Variants in NENF observed in about 807,000 individuals in gnomAD.
NENF encodes the protein neudesin.
Under a neutral mutation model 14.8 loss-of-function variants are expected in NENF, and 6 were observed. That is an observed-to-expected ratio of 0.40 (90% CI 0.22 to 0.80). The LOEUF (loss-of-function observed/expected upper bound fraction) is 0.80, where lower values mean the gene tolerates loss of function less well. Ranked by LOEUF, NENF falls within the 30% of genes least tolerant of loss-of-function variation. The pLI is 0.34. For missense variants in NENF, 184 were observed against 212.7 expected, an observed-to-expected ratio of 0.87 and a Z score of 0.84; for synonymous variants, 76 against 95.1, an observed-to-expected ratio of 0.80 and a Z score of 1.17.
Position 212,445,949 on chromosome 1 carries a change from T to A in NENF, c.462T>A (p.Pro154=), listed in dbSNP as rs1457614627. The part of the protein sequence containing the change: ...ARRILNEDGS[P]NLDFKPEDQP... ...GAATTCTCAATGAGGATGGCAGCCC[T>A]AACCTGGACTTCAAGCCTGAAGACC... Residue 154 remains proline (P), a synonymous_variant, in exon 4 of 4, where the codon CCT becomes CCA. Transcript: ENST00000366988. The A allele has an allele frequency of 6.2e-7, 1 of 1,614,172 alleles. No homozygotes were observed. The highest frequency in any genetic ancestry group is 8.5e-7 in the Non-Finnish European group (1 of 1,180,022).
intron 1 of NENF, among the ~76,000 whole-genome samples, chr1:212,437,253 A>G (rs1006003756): frequency 2.2e-4 from 33 of 152,158 alleles, no homozygotes; most frequent in African/African-American, 7.0e-4. Flanking sequence ...TGGAGCTGCT[A>G]TGAGTCTACG....
chr1:212,441,544 G>A (rs1449336599), intron 1 of NENF, among the ~76,000 whole-genome samples: 2 of 151,990 alleles, frequency 1.3e-5, no homozygotes, highest in African/African-American at 4.8e-5. Context: ...CAGCACTTTG[G>A]GAGGCCTAGG....
chr1:212,439,496 C>G (rs1662665582), intron 1 of NENF, among the ~76,000 whole-genome samples: 2 of 149,412 alleles, frequency 1.3e-5, no homozygotes, highest in African/African-American at 4.9e-5. Context: ...GAGCCAAGAT[C>G]ATGACATTGC....
At chr1:212,444,264 C>A (rs959649010) in intron 2 of NENF, 75 bp from the exon 3 acceptor site, 3 of 917,158 alleles carry the variant, frequency 3.3e-6, no homozygotes, top group Non-Finnish European at 4.8e-6. Context: ...GCCTTGGGAG[C>A]GCCCCCACGT....
At chr1:212,436,623 G>C (rs148470526) in intron 1 of NENF, among the ~76,000 whole-genome samples, 129 of 152,156 alleles carry the variant, frequency 8.5e-4, no homozygotes, top group Non-Finnish European at 1.3e-3. Context: ...AAGGTCTTTC[G>C]ATTATGAGAT....
rs2102572758 is a variant in NENF at position 212,446,130 on chromosome 1, A to G, written c.*124A>G. 1.1e-6 allele frequency: 1 copy of G among 927,736 alleles called. No homozygotes were observed. Among genetic ancestry groups the G allele is most frequent in the African/African-American group, 1.7e-5 (1 of 59,964 alleles). 57.5% of individuals were successfully genotyped at this position (927,736 alleles called of 1,614,324 possible). ...CCAGATCTGAATAAAACAGATGCTT[A>G]CCCTGGAAGAGCAAATGCCTCCTGT... On this transcript the variant is annotated 3_prime_UTR_variant, in exon 4 of 4. Transcript: ENST00000366988.
rs1662551572 is a variant in NENF, at chr1:212,433,333, T to G, written c.177+213T>G. Among the ~76,000 whole-genome samples the G allele has an allele frequency of 6.6e-6, 1 of 151,966 alleles. No individual in the cohort carries two copies. ...GTCCTCAACAGTCGGAGCGCTCCGC[T>G]TTGCCCGCACACCCCACCCTGAACT... is the stretch of plus-strand genomic sequence containing the variant. On this transcript the variant is annotated intron_variant, in intron 1 of 3. Coordinates refer to ENST00000366988, the MANE Select transcript of NENF (RefSeq NM_013349.5). The surrounding 1 kb of genome is among the most constrained non-coding windows in gnomAD (Gnocchi z 5.5).
intron 3 of NENF, 77 bp downstream of exon 3, chr1:212,444,519 G>C (rs1439148178): frequency 1.4e-4 from 5 of 34,966 alleles, no homozygotes; most frequent in South Asian, 1.8e-3. Flanking sequence ...TTTTCTTTTC[G>C]TGTGTGTGTG....
rs1253611373 is a variant in NENF, at chr1:212,439,132, G to A, written c.178-3433G>A. 2.6e-5 allele frequency among the ~76,000 whole-genome samples: 4 copies of A among 152,114 alleles called. No individual in the cohort carries two copies. In the East Asian group the frequency reaches 7.7e-4, roughly 29 times the overall value. On this transcript the variant is annotated intron_variant, in intron 1 of 3. Transcript: ENST00000366988. ...TATGAGGTATCTATGTCACTCTGAG[G>A]CCTCAAAAATGCTAAACATTCTTTT...
In NENF at chr1:212,439,310, A is replaced by T. The variant is rs1662662028; in HGVS notation, c.178-3255A>T. 3.3e-5 allele frequency among the ~76,000 whole-genome samples: 5 copies of T among 151,910 alleles called. No individual in the cohort carries two copies. In the South Asian group the frequency reaches 1.0e-3, roughly 32 times the overall value. ...CACTTTGGGAGGCCGAGGCGGGTAG[A>T]TCACCTCACGTTGGGAGTTCAAGAC... is the stretch of plus-strand genomic sequence containing the variant. On this transcript the variant is annotated intron_variant, in intron 1 of 3. Transcript: ENST00000366988.
At chr1:212,443,234 T>C (rs191896913) in intron 2 of NENF, among the ~76,000 whole-genome samples, 13 of 152,276 alleles carry the variant, frequency 8.5e-5, no homozygotes, top group Non-Finnish European at 1.8e-4. Context: ...TAGTAAAGAG[T>C]TGGCATTATA....
At chr1:212,437,851 C>T (rs1470515229) in intron 1 of NENF, among the ~76,000 whole-genome samples, 1 of 152,138 alleles carries the variant, frequency 6.6e-6, no homozygotes, top group Non-Finnish European at 1.5e-5. Context: ...TAGTCCTCTT[C>T]GAATGCTTGC....
chr1:212,446,216 A>C lies in NENF; in HGVS notation c.*210A>C. On this transcript the variant is annotated 3_prime_UTR_variant, in exon 4 of 4. Transcript: ENST00000366988. ...CCTGTCTGCACACCAGGGATCAATAAGAGCCAAAGTGGGACACCTCCTAGA... is the reference window on the plus strand; with the variant it reads ...CCTGTCTGCACACCAGGGATCAATACGAGCCAAAGTGGGACACCTCCTAGA... 1 of 556,226 alleles carries C rather than the reference A, an allele frequency of 1.8e-6. No individual in the cohort carries two copies. The highest frequency in any genetic ancestry group is 3.2e-6 in the Non-Finnish European group (1 of 313,282). 34.5% of individuals were successfully genotyped at this position (556,226 alleles called of 1,614,324 possible).
chr1:212,445,465 T>A (rs1662763749), intron 3 of NENF, among the ~76,000 whole-genome samples: 1 of 149,676 alleles, frequency 6.7e-6, no homozygotes, highest in Non-Finnish European at 1.5e-5. Context: ...ATGGGAGGAG[T>A]GTAGAGAGAG....
chr1:212,441,374 T>C (rs1558193484), intron 1 of NENF, among the ~76,000 whole-genome samples: 1 of 152,186 alleles, frequency 6.6e-6, no homozygotes, highest in Non-Finnish European at 1.5e-5. Context: ...TAGAAAGTAA[T>C]TGATAGAAAC....
At chr1:212,439,006 GC>G (rs1662651986) in intron 1 of NENF, among the ~76,000 whole-genome samples, 1 of 152,026 alleles carries the variant, frequency 6.6e-6, no homozygotes, top group Non-Finnish European at 1.5e-5. Flanking sequence ...GAGAGTCTGT[GC>G]CTGGGGGTTG....
chr1:212,444,505 T>G, intron 3 of NENF, 63 bp downstream of exon 3: 1 of 1,112,238 alleles, frequency 9.0e-7, no homozygotes. Flanking sequence ...TTTTCTCTTT[T>G]TCTTTTTCTT....
intron 1 of NENF, among the ~76,000 whole-genome samples, chr1:212,434,062 C>T (rs3767868): frequency 0.11 from 17,234 of 152,042 alleles, 1,487 homozygotes; most frequent in East Asian, 0.38. Context: ...GTTAATTGGC[C>T]TTATATGGAC....
intron 1 of NENF, among the ~76,000 whole-genome samples, chr1:212,441,526 G>A (rs1297920402): frequency 4.0e-5 from 6 of 150,986 alleles, no homozygotes; most frequent in South Asian, 4.2e-4. Context: ...GGCTCACGTC[G>A]GTAATCCCAG....
Sources: gnomAD v4.1 joint callset for allele counts (sites outside exome capture counted in the v4.1 genomes callset) on GRCh38, gnomAD v4.1.1 for gene constraint, Gnocchi (gnomAD v3.1) non-coding constraint, MANE v1.5 for transcripts, NCBI Gene and HGNC (gene_info 2026-07-23, HGNC 2026-07-21) for gene names.